The following GRAMD1B variants were observed in gnomAD, a reference collection of about 807,000 sequenced individuals.
GRAMD1B encodes GRAM domain containing 1B, also known as protein Aster-B.
GRAMD1B carries 37 observed loss-of-function variants against 99.7 expected under a neutral mutation model. The observed-to-expected ratio is 0.37, with a 90% CI of 0.29 to 0.49. The LOEUF (loss-of-function observed/expected upper bound fraction) is 0.49, where lower values mean the gene tolerates loss of function less well. GRAMD1B is among the 20% of genes least tolerant of loss of function. The probability of loss-of-function intolerance (pLI) is 0.98; values close to 1 mark genes in which losing one functional copy is unlikely to be tolerated. For synonymous variants in GRAMD1B, 427 were observed against 387.6 expected (o/e 1.10, Z -1.19); for missense variants, 888 against 1,009.2 (o/e 0.88, Z 1.63).
rs138979539 is a variant in GRAMD1B, at chr11:123,470,332, G to A, written c.375-10484G>A. ...GACAGTTACTACTTACAAAACTGCC[G>A]AGAGCAGCTCATATTTTTTTTCTTT... is the stretch of plus-strand genomic sequence containing the variant. On this transcript the variant is annotated intron_variant, in intron 1 of 19. Coordinates refer to ENST00000635736, the MANE Select transcript of GRAMD1B (RefSeq NM_001387025.1). Among the ~76,000 whole-genome samples, 636 of 152,132 alleles carry A rather than the reference G, an allele frequency of 4.2e-3. 3 individuals are homozygous for A. Among genetic ancestry groups the A allele is most frequent in the Admixed American group, 8.0e-3 (122 of 15,258 alleles).
chr11:123,367,071 C>T (rs1332191187), intron 1 of GRAMD1B, among the ~76,000 whole-genome samples: 1 of 152,126 alleles, frequency 6.6e-6, no homozygotes, highest in African/African-American at 2.4e-5. Context: ...GGCATGATGG[C>T]ATGCGTCTGT....
At chr11:123,482,826 A>T (rs1951685937) in intron 2 of GRAMD1B, among the ~76,000 whole-genome samples, 1 of 152,192 alleles carries the variant, frequency 6.6e-6, no homozygotes, top group African/African-American at 2.4e-5. Flanking sequence ...TGGGAAGCCA[A>T]GGTAGGCAGA....
intron 17 of GRAMD1B, chr11:123,618,230 TCTCATATACTCTCA>T (rs1286132860): frequency 1.2e-6 from 1 of 814,208 alleles, no homozygotes; most frequent in Non-Finnish European, 2.1e-6. Flanking sequence ...AGTATTTTTT[TCTCATATACTCTCA>T]CTCACTCCCA....
intron 19 of GRAMD1B, among the ~76,000 whole-genome samples, chr11:123,620,472 C>CAAAA (rs55787871): frequency 1.1e-3 from 74 of 69,004 alleles, no homozygotes; most frequent in East Asian, 3.2e-3. Context: ...GACTTCATCT[C>CAAAA]AAAAAAAAAA....
intron 1 of GRAMD1B, among the ~76,000 whole-genome samples, chr11:123,473,819 C>A (rs1380467203): frequency 6.6e-6 from 1 of 152,162 alleles, no homozygotes; most frequent in East Asian, 1.9e-4. Context: ...GGTGGCAGTA[C>A]CCCAGTCACA....
At chr11:123,615,632 G>A (rs1426115253) in intron 17 of GRAMD1B, among the ~76,000 whole-genome samples, 1 of 152,222 alleles carries the variant, frequency 6.6e-6, no homozygotes, top group Non-Finnish European at 1.5e-5. Flanking sequence ...ACCATACATG[G>A]TTGTGTCATT....
chr11:123,468,891 G>A (rs1421223725), intron 1 of GRAMD1B, among the ~76,000 whole-genome samples: 2 of 151,404 alleles, frequency 1.3e-5, no homozygotes, highest in African/African-American at 4.9e-5. Flanking sequence ...AAGAATAATA[G>A]TAGCTATAAT....
chr11:123,505,358 A>G (rs1292750979), intron 2 of GRAMD1B, among the ~76,000 whole-genome samples: 1 of 152,004 alleles, frequency 6.6e-6, no homozygotes, highest in African/African-American at 2.4e-5. Context: ...TTCACCTAAA[A>G]CAGCAGGTGG....
chr11:123,571,711 A>G (rs143225018), intron 2 of GRAMD1B, among the ~76,000 whole-genome samples: 3 of 152,242 alleles, frequency 2.0e-5, no homozygotes, highest in African/African-American at 7.2e-5. Flanking sequence ...TCTCTAAAAC[A>G]TCAGCTTGAG....
chr11:123,474,085 C>G (rs1045426452), intron 1 of GRAMD1B, among the ~76,000 whole-genome samples: 2 of 152,160 alleles, frequency 1.3e-5, no homozygotes, highest in African/African-American at 4.8e-5. Flanking sequence ...TGTTATCTTT[C>G]TCCCATGCAC....
At chr11:123,549,501 C>T (rs897463737) in intron 2 of GRAMD1B, among the ~76,000 whole-genome samples, 6 of 151,954 alleles carry the variant, frequency 3.9e-5, no homozygotes, top group African/African-American at 1.2e-4. Context: ...GAGATCGTGC[C>T]ACTGCCCTCC....
At chr11:123,368,537 G>A (rs554283772) in intron 1 of GRAMD1B, among the ~76,000 whole-genome samples, 1 of 151,740 alleles carries the variant, frequency 6.6e-6, no homozygotes. Context: ...AACATTAGCT[G>A]GACGTTGTGG....
In GRAMD1B at chr11:123,419,858, T is replaced by C. The variant is rs190802413; in HGVS notation, c.-175-60958T>C. The stretch of plus-strand genomic sequence containing the variant: ...CTGAAGGACATATGGGGCCAATGAG[T>C]GCTGACTGGCTGTTCTTTGAGTTAA... On this transcript the variant is annotated intron_variant, in intron 1 of 20. Coordinates refer to the GRAMD1B transcript ENST00000638157. Among the ~76,000 whole-genome samples the C allele has an allele frequency of 5.3e-5, 8 of 152,138 alleles. No homozygotes were observed. In the East Asian group the frequency reaches 5.8e-4, roughly 11 times the overall value.
Position 123,591,369 on chromosome 11 carries a change from G to T in GRAMD1B, c.685-2713G>T, listed in dbSNP as rs1033392897. ...GTCAGTGCTCAGGGAGCCAGGCGTCGTTGGGAGGGGCAGCCGTGCTGGGCA... is the reference window on the plus strand; with the variant it reads ...GTCAGTGCTCAGGGAGCCAGGCGTCTTTGGGAGGGGCAGCCGTGCTGGGCA... On this transcript the variant is annotated intron_variant, in intron 4 of 19. Coordinates refer to ENST00000635736, the MANE Select transcript of GRAMD1B (RefSeq NM_001387025.1). This position sits in a 1 kb window ranked among gnomAD's most constrained non-coding sequence, Gnocchi z 4.7. 2.5e-6 allele frequency: 1 copy of T among 399,088 alleles called. No individual in the cohort carries two copies. The highest frequency in any genetic ancestry group is 2.1e-5 in the African/African-American group (1 of 48,650). 24.7% of individuals were successfully genotyped at this position (399,088 alleles called of 1,614,324 possible). A position where few individuals can be genotyped will look rare whatever the true frequency, so the allele number is the denominator to read the frequency against.
chr11:123,499,533 T>C (rs1939643164), intron 2 of GRAMD1B, among the ~76,000 whole-genome samples: 1 of 152,180 alleles, frequency 6.6e-6, no homozygotes, highest in Admixed American at 6.5e-5. Flanking sequence ...AAGTTACTTA[T>C]TCCATCTTAT....
intron 2 of GRAMD1B, among the ~76,000 whole-genome samples, chr11:123,495,294 A>T (rs1037366038): frequency 6.6e-6 from 1 of 152,154 alleles, no homozygotes; most frequent in Non-Finnish European, 1.5e-5. Flanking sequence ...AAAAAATTCC[A>T]TGGATACATA....
intron 2 of GRAMD1B, among the ~76,000 whole-genome samples, chr11:123,529,120 C>A (rs188602017): frequency 1.3e-5 from 2 of 152,172 alleles, no homozygotes; most frequent in Non-Finnish European, 2.9e-5. Flanking sequence ...AATGCTTTGG[C>A]CTTTTAGGGG....
intron 2 of GRAMD1B, among the ~76,000 whole-genome samples, chr11:123,564,048 G>A (rs1026352874): frequency 6.6e-6 from 1 of 152,238 alleles, no homozygotes; most frequent in Non-Finnish European, 1.5e-5. Context: ...AGCCATCCTG[G>A]TAGGCCAGTG....
At chr11:123,615,357 C>G (rs907248826) in intron 17 of GRAMD1B, among the ~76,000 whole-genome samples, 1 of 152,170 alleles carries the variant, frequency 6.6e-6, no homozygotes, top group African/African-American at 2.4e-5. Flanking sequence ...ATTGCTATGA[C>G]ATTATAAAAC....
Sources: allele counts gnomAD v4.1 joint callset (sites outside exome capture counted in the v4.1 genomes callset), GRCh38; gene constraint gnomAD v4.1.1; non-coding constraint Gnocchi (gnomAD v3.1); transcripts MANE v1.5; gene names NCBI Gene and HGNC (gene_info 2026-07-23, HGNC 2026-07-21).